TOM1L2: variants seen among roughly 807,000 people sequenced by gnomAD.
The protein encoded by TOM1L2 is TOM1-like protein 2.
In TOM1L2, 31 loss-of-function variants were observed where a neutral mutation model predicts 67.9. The ratio of observed to expected loss-of-function variants is 0.46; its 90% CI spans 0.34 to 0.62. TOM1L2 has a LOEUF of 0.62. Ranked by LOEUF, TOM1L2 falls within the 20% of genes least tolerant of loss-of-function variation. The probability of loss-of-function intolerance (pLI) is 0.01; values close to 1 mark genes in which losing one functional copy is unlikely to be tolerated. For missense variants in TOM1L2, 606 were observed against 663.5 expected, an observed-to-expected ratio of 0.91 and a Z score of 0.95; for synonymous variants, 256 against 254.0, an observed-to-expected ratio of 1.01 and a Z score of -0.07.
Position 17,902,974 on chromosome 17 carries a change from G to A in TOM1L2, c.138-4300C>T, listed in dbSNP as rs369090044. ...CACAGGCTCGCACAATAAGCGAGTGGTGACCTAGAATTGCTCCAGCCTGTG... is the reference window on the plus strand; with the variant it reads ...CACAGGCTCGCACAATAAGCGAGTGATGACCTAGAATTGCTCCAGCCTGTG... On this transcript the variant is annotated intron_variant, in intron 2 of 14. Coordinates refer to ENST00000379504, the MANE Select transcript of TOM1L2 (RefSeq NM_001082968.2). Among the ~76,000 whole-genome samples the A allele has an allele frequency of 3.9e-5, 6 of 152,260 alleles. No homozygotes were observed. In the East Asian group the frequency reaches 5.8e-4, roughly 15 times the overall value.
intron 1 of TOM1L2, among the ~76,000 whole-genome samples, chr17:17,960,036 T>C (rs2041621745): frequency 6.6e-6 from 1 of 152,240 alleles, no homozygotes; most frequent in Non-Finnish European, 1.5e-5. Context: ...AGAAAGCACG[T>C]CCTTTGAGGA....
intron 13 of TOM1L2, among the ~76,000 whole-genome samples, chr17:17,850,120 A>G (rs1050803617): frequency 6.6e-6 from 1 of 152,160 alleles, no homozygotes; most frequent in African/African-American, 2.4e-5. Flanking sequence ...TAGGAGGGAG[A>G]TGAGGTGTCT....
chr17:17,894,971 ACATACATG>A (rs1292382788), intron 3 of TOM1L2, among the ~76,000 whole-genome samples: 1 of 65,830 alleles, frequency 1.5e-5, no homozygotes. Context: ...ATACATACAT[ACATACATG>A]CATGCATGCA....
intron 2 of TOM1L2, among the ~76,000 whole-genome samples, chr17:17,900,805 A>T (rs2038817457): frequency 6.6e-6 from 1 of 152,186 alleles, no homozygotes; most frequent in Admixed American, 6.5e-5. Context: ...TCTGCTTTGA[A>T]GGCTGTTTGT....
At chr17:17,884,007 C>T (rs2037864521) in intron 5 of TOM1L2, among the ~76,000 whole-genome samples, 2 of 152,112 alleles carry the variant, frequency 1.3e-5, no homozygotes, top group African/African-American at 4.8e-5. Context: ...TGAGGCATGA[C>T]CTACATGCTT....
At chr17:17,890,188 C>T (rs990202824) in intron 4 of TOM1L2, among the ~76,000 whole-genome samples, 3 of 152,218 alleles carry the variant, frequency 2.0e-5, no homozygotes, top group Non-Finnish European at 4.4e-5. Context: ...TGCAATGCTA[C>T]TCCATGCTCT....
At chr17:17,917,267 G>C (rs1052289655) in intron 1 of TOM1L2, among the ~76,000 whole-genome samples, 75 of 152,214 alleles carry the variant, frequency 4.9e-4, no homozygotes, top group African/African-American at 1.6e-3. Flanking sequence ...GGGAGGCAGA[G>C]GTTGCAAAAT....
chr17:17,847,924 G>A (rs555975537), intron 14 of TOM1L2, 141 bp from the exon 15 acceptor site: 21 of 1,043,870 alleles, frequency 2.0e-5, no homozygotes, highest in Admixed American at 2.0e-4. Context: ...GGAGGGGTTC[G>A]TGAGCTGCAG....
intron 1 of TOM1L2, among the ~76,000 whole-genome samples, chr17:17,921,458 T>C (rs1425969585): frequency 3.9e-5 from 6 of 152,072 alleles, no homozygotes; most frequent in African/African-American, 1.2e-4. Flanking sequence ...TTGTACTTAA[T>C]GGAATAACTT....
intron 8 of TOM1L2, 78 bp from the exon 9 acceptor site, chr17:17,867,002 T>A (rs2036884779): frequency 7.1e-7 from 1 of 1,402,006 alleles, no homozygotes; most frequent in Admixed American, 1.7e-5. Context: ...ACTAGTCCTA[T>A]GAAGAATCCC....
intron 4 of TOM1L2, among the ~76,000 whole-genome samples, chr17:17,893,242 G>A (rs1232470678): frequency 6.6e-6 from 1 of 152,158 alleles, no homozygotes; most frequent in Non-Finnish European, 1.5e-5. Flanking sequence ...CAATGGAAAT[G>A]TCATCTCCTC....
chr17:17,892,302 G>A (rs560725895), intron 4 of TOM1L2, among the ~76,000 whole-genome samples: 6 of 152,226 alleles, frequency 3.9e-5, no homozygotes, highest in African/African-American at 1.2e-4. Flanking sequence ...TGCATTCTCC[G>A]CTGCCTCTGC....
chr17:17,957,306 G>T (rs1313300078), intron 1 of TOM1L2, among the ~76,000 whole-genome samples: 1 of 152,220 alleles, frequency 6.6e-6, no homozygotes, highest in African/African-American at 2.4e-5. Context: ...GGCAGGTAGA[G>T]AAAACAATGC....
intron 1 of TOM1L2, among the ~76,000 whole-genome samples, chr17:17,938,986 CCAT>C (rs2040622556): frequency 1.3e-5 from 2 of 152,160 alleles, no homozygotes; most frequent in Non-Finnish European, 2.9e-5. Context: ...GACTAGAATT[CCAT>C]TCTGTCTGAC....
chr17:17,944,395 G>A (rs1027671722), intron 1 of TOM1L2, among the ~76,000 whole-genome samples: 1 of 152,222 alleles, frequency 6.6e-6, no homozygotes, highest in South Asian at 2.1e-4. Flanking sequence ...TAAAAATGCT[G>A]TAACAGTTTC....
chr17:17,857,953 C>T (rs1025782183), intron 12 of TOM1L2: 17 of 1,132,030 alleles, frequency 1.5e-5, no homozygotes, highest in Middle Eastern at 1.9e-4. Flanking sequence ...TCCTTTGCCA[C>T]GTAAGGAAAT....
rs1362728401 is a variant in TOM1L2, at chr17:17,846,036, A to G, written c.*1599T>C. The G allele has an allele frequency of 6.6e-6, 1 of 152,324 alleles. No individual in the cohort carries two copies. The highest frequency in any genetic ancestry group is 2.4e-5 in the African/African-American group (1 of 41,474). 9.4% of individuals were successfully genotyped at this position (152,324 alleles called of 1,614,324 possible). A position where few individuals can be genotyped will look rare whatever the true frequency, so the allele number is the denominator to read the frequency against. On this transcript the variant is annotated 3_prime_UTR_variant, in exon 15 of 15. Transcript: ENST00000379504. ...CCTGGCACAGGGTCCTGGGTCGGGC[A>G]GCACTTGCTCTTCACTGGAATAGTT...
At position 17,944,507 on chromosome 17, in the gene TOM1L2, G is replaced by C. The variant is rs118190519; in HGVS notation, c.52+27755C>G. ...AGAATATTTATGATCCGTGGGATCAGAGATTTGGTGTCTTAGAAGCAAAGA... is the reference window on the plus strand; with the variant it reads ...AGAATATTTATGATCCGTGGGATCACAGATTTGGTGTCTTAGAAGCAAAGA... On this transcript the variant is annotated intron_variant, in intron 1 of 14. Coordinates refer to ENST00000379504, the MANE Select transcript of TOM1L2 (RefSeq NM_001082968.2). Among the ~76,000 whole-genome samples the C allele has an allele frequency of 6.4e-3, 973 of 152,342 alleles. 11 individuals carry two copies. The highest frequency in any genetic ancestry group is 0.057 in the East Asian group (298 of 5,188).
chr17:17,913,343 G>A (rs1430087294), intron 1 of TOM1L2, among the ~76,000 whole-genome samples: 4 of 151,564 alleles, frequency 2.6e-5, no homozygotes, highest in Non-Finnish European at 5.9e-5. Flanking sequence ...ACTGGAAACT[G>A]GGGCAGACTG....
Sources: allele counts gnomAD v4.1 joint callset (sites outside exome capture counted in the v4.1 genomes callset), GRCh38; gene constraint gnomAD v4.1.1; transcripts MANE v1.5; gene names NCBI Gene and HGNC (gene_info 2026-07-23, HGNC 2026-07-21).